The following HNMT variants were observed in gnomAD, a reference collection of about 807,000 sequenced individuals.
HNMT encodes histamine N-methyltransferase.
In HNMT, 30 loss-of-function variants were observed where a neutral mutation model predicts 32.1. That is an observed-to-expected ratio of 0.93 (90% CI 0.70 to 1.27). The LOEUF (loss-of-function observed/expected upper bound fraction) is 1.27, where lower values mean the gene tolerates loss of function less well. Ranked by LOEUF, HNMT falls within the 50% of genes most tolerant of loss-of-function variation. The pLI is 0.00. For synonymous variants in HNMT, 125 were observed against 119.0 expected (o/e 1.05, Z -0.33); for missense variants, 327 against 346.0 (o/e 0.95, Z 0.43).
intron 2 of HNMT, among the ~76,000 whole-genome samples, chr2:137,993,896 C>T (rs542409843): frequency 6.6e-6 from 1 of 152,222 alleles, no homozygotes; most frequent in South Asian, 2.1e-4. Context: ...AAAATTCAAC[C>T]TAGAATTTCA....
chr2:138,002,074 CAA>C lies in HNMT; in HGVS notation c.310_311del (p.Lys104AspfsTer13). The C allele has an allele frequency of 7.0e-6, 11 of 1,580,118 alleles. No individual in the cohort carries two copies. The highest frequency in any genetic ancestry group is 1.4e-5 in the African/African-American group (1 of 73,318). On this transcript the variant is annotated frameshift_variant, in exon 4 of 6. Coordinates refer to ENST00000280097, the MANE Select transcript of HNMT (RefSeq NM_006895.3). LOFTEE classifies it high-confidence loss of function. ...QIAKYKELVA[K>X]TSNLENVKFA... The stretch of plus-strand genomic sequence containing the variant: ...TTCTCTGTATTTTAGAGCTTGTAGC[CAA>C]GACATCGAACCTCGAGAACGTAAAG...
At chr2:137,971,326 C>T (rs1406655060) in intron 2 of HNMT, among the ~76,000 whole-genome samples, 1 of 151,988 alleles carries the variant, frequency 6.6e-6, no homozygotes, top group African/African-American at 2.4e-5. Context: ...ATTACAGGCA[C>T]CAACCACCGC....
At chr2:137,998,021 G>T (rs1037169703) in intron 2 of HNMT, among the ~76,000 whole-genome samples, 2 of 151,982 alleles carry the variant, frequency 1.3e-5, no homozygotes, top group African/African-American at 4.8e-5. Flanking sequence ...CCTGTTGGGG[G>T]TTGGGGTTGA....
At chr2:138,013,739 A>C in intron 5 of HNMT, 36 bp from the exon 6 acceptor site, 2 of 1,525,020 alleles carry the variant, frequency 1.3e-6, no homozygotes, top group Admixed American at 1.8e-5. Context: ...TGAAAGAAAG[A>C]ATAAATGAAA....
chr2:137,973,995 G>A (rs1475740903), intron 2 of HNMT, among the ~76,000 whole-genome samples: 1 of 151,944 alleles, frequency 6.6e-6, no homozygotes, highest in East Asian at 1.9e-4. Flanking sequence ...AAGAAAGGTA[G>A]ATGACTCTGA....
At chr2:137,994,442 G>C (rs1029088914) in intron 2 of HNMT, among the ~76,000 whole-genome samples, 3 of 151,974 alleles carry the variant, frequency 2.0e-5, no homozygotes, top group African/African-American at 7.3e-5. Flanking sequence ...CATTACATAA[G>C]GTAAAGGGAA....
At chr2:138,011,922 A>G (rs113754621) in intron 5 of HNMT, among the ~76,000 whole-genome samples, 83 of 152,278 alleles carry the variant, frequency 5.5e-4, no homozygotes, top group African/African-American at 1.9e-3. Context: ...AAAGTTGGTA[A>G]GAAGGAAAGC....
chr2:138,004,918 C>T lies in HNMT; in HGVS notation c.430-214C>T, dbSNP rs147790155. Among the ~76,000 whole-genome samples the T allele has an allele frequency of 1.9e-3, 289 of 152,166 alleles. 1 individual carries two copies. The highest frequency in any genetic ancestry group is 6.5e-3 in the African/African-American group (269 of 41,544). On this transcript the variant is annotated intron_variant, in intron 4 of 5. Transcript: ENST00000280097. ...AAATTTAAAACCATTTGACTCTAGTCGAACAAATACCATACTTTTCCATTT... is the reference window on the plus strand; with the variant it reads ...AAATTTAAAACCATTTGACTCTAGTTGAACAAATACCATACTTTTCCATTT...
chr2:138,010,242 T>TAA (rs1681453449), intron 5 of HNMT, among the ~76,000 whole-genome samples: 3 of 152,042 alleles, frequency 2.0e-5, no homozygotes, highest in African/African-American at 7.2e-5. Flanking sequence ...AGTAAATATG[T>TAA]TTTAATTGAA....
At chr2:138,006,186 G>T (rs192915846) in intron 5 of HNMT, among the ~76,000 whole-genome samples, 1 of 151,966 alleles carries the variant, frequency 6.6e-6, no homozygotes, top group Admixed American at 6.6e-5. Context: ...ATGTGGGAGA[G>T]GTCTCATTTC....
rs1449436693 is a variant in HNMT, at chr2:137,964,646, G to T, written c.137+18G>T. ...ATAGGAAGGTAACAAAAGGGACGTTGTTGTCAAAGGGACAAGCCTCAGACT... is the reference window on the plus strand; with the variant it reads ...ATAGGAAGGTAACAAAAGGGACGTTTTTGTCAAAGGGACAAGCCTCAGACT... On this transcript the variant is annotated intron_variant, in intron 1 of 5. Transcript: ENST00000280097. 2.5e-6 allele frequency: 4 copies of T among 1,613,262 alleles called. No homozygotes were observed. The highest frequency in any genetic ancestry group is 3.4e-6 in the Non-Finnish European group (4 of 1,179,456).
intron 2 of HNMT, among the ~76,000 whole-genome samples, chr2:137,972,404 C>T (rs1680165989): frequency 6.6e-6 from 1 of 152,118 alleles, no homozygotes; most frequent in South Asian, 2.1e-4. Context: ...CCATGCCCGA[C>T]AGAGATCACT....
intron 5 of HNMT, among the ~76,000 whole-genome samples, chr2:138,013,023 T>C (rs1681556658): frequency 6.6e-6 from 1 of 152,138 alleles, no homozygotes. Context: ...TATTGAGTCA[T>C]TCTAATGTGC....
In HNMT at chr2:138,014,030, C is replaced by A. The variant is rs780873308; in HGVS notation, c.779C>A (p.Ala260Glu). ...GCCACAGCACCACCTGATCTCAGAG[C>A]AGAGCTTGGGAAAGATCTACAAGAG... ...FNATAPPDLR[A>E]ELGKDLQEPE... The change falls in exon 6 of 6, where the codon GCA becomes GAA. Residue 260 changes from alanine (A) to glutamate (E), a missense_variant. Ala to Glu is a moderately radical substitution (Grantham distance 107). Coordinates refer to ENST00000280097, the MANE Select transcript of HNMT (RefSeq NM_006895.3). The A allele has an allele frequency of 1.7e-5, 27 of 1,613,540 alleles. No homozygotes were observed. Among genetic ancestry groups the A allele is most frequent in the Non-Finnish European group, 2.1e-5 (25 of 1,179,686 alleles).
chr2:138,011,207 TA>T (rs968961728), intron 5 of HNMT, among the ~76,000 whole-genome samples: 19 of 152,016 alleles, frequency 1.2e-4, no homozygotes, highest in Non-Finnish European at 1.8e-4. Context: ...TCTGCCAGGT[TA>T]AAAATAATAA....
chr2:138,009,077 C>T (rs995507748), intron 5 of HNMT, among the ~76,000 whole-genome samples: 1 of 151,708 alleles, frequency 6.6e-6, no homozygotes, highest in Non-Finnish European at 1.5e-5. Context: ...CCCATTAAAA[C>T]GTGGGCAAAG....
At chr2:137,989,952 C>T (rs186412993) in intron 2 of HNMT, among the ~76,000 whole-genome samples, 23 of 152,212 alleles carry the variant, frequency 1.5e-4, no homozygotes, top group African/African-American at 5.3e-4. Flanking sequence ...GTTTTCTTAT[C>T]GTTGAGCTTT....
chr2:137,970,213 T>A lies in HNMT; in HGVS notation c.186T>A (p.Gly62=). ...SEIKILSIGG[G]AGEIDLQILS... ...TTAAGATTCTAAGCATAGGCGGAGG[T>A]GCAGGTATGAGTAATATATTTTTAA... is the stretch of plus-strand genomic sequence containing the variant. Residue 62 remains glycine (G), a synonymous_variant, in exon 2 of 6, where the codon GGT becomes GGA. Coordinates refer to ENST00000280097, the MANE Select transcript of HNMT (RefSeq NM_006895.3). 1 of 1,545,440 alleles carries A rather than the reference T, an allele frequency of 6.5e-7. No individual in the cohort carries two copies. Among genetic ancestry groups the A allele is most frequent in the Non-Finnish European group, 8.9e-7 (1 of 1,124,166 alleles).
At chr2:137,979,555 CTTTTA>C (rs1336992789) in intron 2 of HNMT, among the ~76,000 whole-genome samples, 5 of 151,736 alleles carry the variant, frequency 3.3e-5, no homozygotes, top group Non-Finnish European at 5.9e-5. Flanking sequence ...CCCGGCCATA[CTTTTA>C]TTTTATTTAT....
Sources: allele counts gnomAD v4.1 joint callset (sites outside exome capture counted in the v4.1 genomes callset), GRCh38; gene constraint gnomAD v4.1.1; transcripts MANE v1.5; gene names NCBI Gene and HGNC (gene_info 2026-07-23, HGNC 2026-07-21).